Variants in ARHGAP1 observed in about 807,000 individuals in gnomAD.
ARHGAP1 encodes Rho GTPase activating protein 1, also known as rho GTPase-activating protein 1.
In ARHGAP1, 23 loss-of-function variants were observed where a neutral mutation model predicts 52.2. The observed-to-expected ratio is 0.44, with a 90% CI of 0.32 to 0.62. ARHGAP1 has a LOEUF of 0.62. ARHGAP1 is among the 20% of genes least tolerant of loss of function. The pLI is 0.05. For synonymous variants in ARHGAP1, 210 were observed against 228.4 expected, an observed-to-expected ratio of 0.92 and a Z score of 0.73; for missense variants, 480 against 560.9, an observed-to-expected ratio of 0.86 and a Z score of 1.46.
chr11:46,688,187 G>T lies in ARHGAP1; in HGVS notation c.303C>A (p.His101Gln), dbSNP rs1395357417. ...CAGGTACTCACCCCAGGAGCTTGCT[G>T]TGGTCGAGCTGGTGGCTGGGGGGCA... ...CRMPPSHQLD[H>Q]SKLLGYLKHT... Residue 101 changes from histidine (H) to glutamine (Q), a missense_variant, in exon 4 of 13, where the codon CAC (histidine) becomes CAA (glutamine). Coordinates refer to ENST00000311956, the MANE Select transcript of ARHGAP1 (RefSeq NM_004308.5). The T allele has an allele frequency of 1.2e-6, 2 of 1,613,792 alleles. No homozygotes were observed. The highest frequency in any genetic ancestry group is 1.7e-6 in the Non-Finnish European group (2 of 1,179,894).
At chr11:46,695,916 G>C in intron 2 of ARHGAP1, 59 bp downstream of exon 2, 15 of 1,612,380 alleles carry the variant, frequency 9.3e-6, no homozygotes, top group Non-Finnish European at 1.3e-5. Flanking sequence ...CCCTTCAGCA[G>C]AAGGAGTGCT....
At chr11:46,691,371 A>G (rs189876258) in intron 3 of ARHGAP1, among the ~76,000 whole-genome samples, 63 of 149,222 alleles carry the variant, frequency 4.2e-4, no homozygotes, top group African/African-American at 1.5e-3. Context: ...TGCAACCACC[A>G]CCTCCTAAGT....
At chr11:46,683,911 A>AT (rs1258104216) in intron 4 of ARHGAP1, among the ~76,000 whole-genome samples, 1 of 152,190 alleles carries the variant, frequency 6.6e-6, no homozygotes. Context: ...AAGTGCTGGG[A>AT]TTACAGGCAT....
intron 5 of ARHGAP1, 46 bp downstream of exon 5, chr11:46,682,005 C>G (rs1231969621): frequency 6.2e-7 from 1 of 1,608,924 alleles, no homozygotes; most frequent in Admixed American, 1.7e-5. Context: ...GCTGGCAGAG[C>G]CGCTGCCTCT....
Position 46,678,601 on chromosome 11 carries a change from TG to T in ARHGAP1, c.*435del. 5.3e-6 allele frequency: 1 copy of T among 188,016 alleles called. No homozygotes were observed. The allele number at this position is 188,016 out of a possible 1,614,324, so 11.6% of individuals were successfully genotyped here. A position where few individuals can be genotyped will look rare whatever the true frequency, so the allele number is the denominator to read the frequency against. On this transcript the variant is annotated 3_prime_UTR_variant, in exon 13 of 13. Transcript: ENST00000311956. ...TACCAGATAGGGAGGCACCTCAGCT[TG>T]GGGCGGTGTCCACACCAAAGAGCTC...
rs377149245 is a variant in ARHGAP1 at position 46,680,760 on chromosome 11, A to T, written c.636-13T>A. On this transcript the variant is annotated splice_polypyrimidine_tract_variant and intron_variant, in intron 7 of 12. Transcript: ENST00000311956. This position sits in a 1 kb window ranked among gnomAD's most constrained non-coding sequence, Gnocchi z 5.9. ...GAAGTCGTCATATCTGTAGGAGTAGAGGGAGGTGGGTCAGGTCCTGCCTGG... is the reference window on the plus strand; with the variant it reads ...GAAGTCGTCATATCTGTAGGAGTAGTGGGAGGTGGGTCAGGTCCTGCCTGG... 2,579 of 1,526,784 alleles carry T rather than the reference A, an allele frequency of 1.7e-3. 7 individuals are homozygous for T. The highest frequency in any genetic ancestry group is 2.1e-3 in the Non-Finnish European group (2,343 of 1,138,670). The allele number at this position is 1,526,784 out of a possible 1,614,324, so 94.6% of individuals were successfully genotyped here.
chr11:46,689,895 CATCTT>C lies in ARHGAP1; in HGVS notation c.230-1640_230-1636del, dbSNP rs1407475032. Among the ~76,000 whole-genome samples, 4 of 152,148 alleles carry C rather than the reference CATCTT, an allele frequency of 2.6e-5. No individual in the cohort carries two copies. The East Asian group carries it at 7.7e-4, about 29-fold the overall frequency. ...AGCATTTGTGATCTTGCCAAATAGTCATCTTATAAGTCTACACTTTTCCAAAAGCA... is the reference window on the plus strand; with the variant it reads ...AGCATTTGTGATCTTGCCAAATAGTCATAAGTCTACACTTTTCCAAAAGCA... On this transcript the variant is annotated intron_variant, in intron 3 of 12. Transcript: ENST00000311956.
intron 3 of ARHGAP1, among the ~76,000 whole-genome samples, chr11:46,694,128 G>T (rs1316284309): frequency 2.0e-5 from 3 of 152,072 alleles, no homozygotes; most frequent in African/African-American, 7.2e-5. Context: ...CATCCATGGG[G>T]ACACCATCAC....
At chr11:46,683,512 A>T (rs976784074) in intron 4 of ARHGAP1, among the ~76,000 whole-genome samples, 1 of 152,116 alleles carries the variant, frequency 6.6e-6, no homozygotes, top group South Asian at 2.1e-4. Context: ...CTGGTTCCCT[A>T]TTATGCTCAT....
chr11:46,695,332 T>G, intron 3 of ARHGAP1: 7 of 380,674 alleles, frequency 1.8e-5, no homozygotes, highest in East Asian at 6.7e-5. Context: ...AAAGCCAACA[T>G]TAGGGTGGAG....
chr11:46,694,364 C>T (rs568006140), intron 3 of ARHGAP1, among the ~76,000 whole-genome samples: 4 of 152,290 alleles, frequency 2.6e-5, no homozygotes, highest in African/African-American at 9.6e-5. Flanking sequence ...ACCGAGAGCC[C>T]TTCCTGATCC....
At position 46,680,550 on chromosome 11, in the gene ARHGAP1, T is replaced by A; in HGVS notation, c.757A>T (p.Asn253Tyr). 11 of 1,614,064 alleles carry A rather than the reference T, an allele frequency of 6.8e-6. No individual in the cohort carries two copies. Among genetic ancestry groups the A allele is most frequent in the Non-Finnish European group, 9.3e-6 (11 of 1,179,998 alleles). Residue 253 changes from asparagine to tyrosine, a missense_variant, in exon 9 of 13, where the codon AAT (asparagine) becomes TAT (tyrosine). Transcript: ENST00000311956. The surrounding 1 kb of genome is among the most constrained non-coding windows in gnomAD (Gnocchi z 5.9). Reference sequence around the variant, plus strand: ...ATGGGAATGGGCTCCTGCTCTGGATTCTTCTCCTGGAGGCTGCGGGAAAAA... The same window carrying A: ...ATGGGAATGGGCTCCTGCTCTGGATACTTCTCCTGGAGGCTGCGGGAAAAA... ...GVSLQHLQEKNPEQEPIPIVL... is the reference protein window; with the variant it reads ...GVSLQHLQEKYPEQEPIPIVL...
intron 1 of ARHGAP1, among the ~76,000 whole-genome samples, chr11:46,697,943 G>A (rs753040387): frequency 6.6e-6 from 1 of 152,096 alleles, no homozygotes; most frequent in Admixed American, 6.5e-5. Flanking sequence ...TCCCCATAGC[G>A]ACCTCCAGCT....
intron 1 of ARHGAP1, among the ~76,000 whole-genome samples, chr11:46,698,601 CTG>C (rs2064675258): frequency 1.8e-5 from 1 of 56,258 alleles, no homozygotes; most frequent in Non-Finnish European, 3.4e-5. Context: ...GAGCAAAACT[CTG>C]TTTCAAAAAA....
chr11:46,681,819 GGAGGCTCAAAGAGGTTAAGTAAAACAA>G lies in ARHGAP1; in HGVS notation c.449+205_449+231del, dbSNP rs1212292385. 6.6e-6 allele frequency among the ~76,000 whole-genome samples: 1 copy of G among 152,208 alleles called. No homozygotes were observed. The highest frequency in any genetic ancestry group is 6.5e-5 in the Admixed American group (1 of 15,278). On this transcript the variant is annotated intron_variant, in intron 5 of 12. Transcript: ENST00000311956. The surrounding 1 kb of genome is among the most constrained non-coding windows in gnomAD (Gnocchi z 5.7). ...GTCTCATTTTACAGATTAGAAAACA[GGAGGCTCAAAGAGGTTAAGTAAAACAA>G]GAGGTCAGAGTGCAAATAAGCTGAG...
In ARHGAP1 at chr11:46,678,845, G is replaced by A; in HGVS notation, c.*192C>T. 2 of 639,414 alleles carry A rather than the reference G, an allele frequency of 3.1e-6. No homozygotes were observed. Among genetic ancestry groups the A allele is most frequent in the Non-Finnish European group, 5.4e-6 (2 of 373,406 alleles). 39.6% of individuals were successfully genotyped at this position (639,414 alleles called of 1,614,324 possible). ...TCCAGAGAGGCAGTGAGAAGTGTAA[G>A]GCAGAGAAAAACGTCTTCTGGTAAC... On this transcript the variant is annotated 3_prime_UTR_variant, in exon 13 of 13. Coordinates refer to ENST00000311956, the MANE Select transcript of ARHGAP1 (RefSeq NM_004308.5).
chr11:46,691,866 G>A (rs1490556977), intron 3 of ARHGAP1, among the ~76,000 whole-genome samples: 1 of 152,208 alleles, frequency 6.6e-6, no homozygotes, highest in Non-Finnish European at 1.5e-5. Context: ...GGGATTATAG[G>A]CATGAGCCAC....
rs77863447 is a variant in ARHGAP1 at position 46,678,226 on chromosome 11, A to G, written c.*811T>C. ...ATCTGCCCGTGTGGGAAAGGAGGCCAAGAGGGGAGAGGCTAACCTGGCCGG... is the reference window on the plus strand; with the variant it reads ...ATCTGCCCGTGTGGGAAAGGAGGCCGAGAGGGGAGAGGCTAACCTGGCCGG... On this transcript the variant is annotated 3_prime_UTR_variant, in exon 13 of 13. Coordinates refer to ENST00000311956, the MANE Select transcript of ARHGAP1 (RefSeq NM_004308.5). 0.022 allele frequency: 3,932 copies of G among 179,612 alleles called. 173 individuals carry two copies. Among genetic ancestry groups the G allele is most frequent in the South Asian group, 0.14 (1,719 of 12,092 alleles). 11.1% of individuals were successfully genotyped at this position (179,612 alleles called of 1,614,324 possible).
At position 46,678,824 on chromosome 11, in the gene ARHGAP1, G is replaced by A. The variant is rs887796745; in HGVS notation, c.*213C>T. On this transcript the variant is annotated 3_prime_UTR_variant, in exon 13 of 13. Coordinates refer to ENST00000311956, the MANE Select transcript of ARHGAP1 (RefSeq NM_004308.5). ...GAGCCCAGCAAAAGCCCGGTGTCCAGAGAGGCAGTGAGAAGTGTAAGGCAG... is the reference window on the plus strand; with the variant it reads ...GAGCCCAGCAAAAGCCCGGTGTCCAAAGAGGCAGTGAGAAGTGTAAGGCAG... 3.4e-6 allele frequency: 2 copies of A among 592,392 alleles called. No homozygotes were observed. Among genetic ancestry groups the A allele is most frequent in the Admixed American group, 6.3e-5 (2 of 31,914 alleles). 36.7% of individuals were successfully genotyped at this position (592,392 alleles called of 1,614,324 possible).
Sources: gnomAD v4.1 joint callset for allele counts (sites outside exome capture counted in the v4.1 genomes callset) on GRCh38, gnomAD v4.1.1 for gene constraint, Gnocchi (gnomAD v3.1) non-coding constraint, MANE v1.5 for transcripts, NCBI Gene and HGNC (gene_info 2026-07-23, HGNC 2026-07-21) for gene names.